Variants in ALMS1 observed in about 807,000 individuals in gnomAD.
ALMS1 encodes the protein ALMS1 centrosome and basal body associated protein.
ALMS1 carries 271 observed loss-of-function variants against 352.2 expected under a neutral mutation model. That is an observed-to-expected ratio of 0.77 (90% CI 0.70 to 0.85). The LOEUF is 0.85. Ranked by LOEUF, ALMS1 falls within the 40% of genes least tolerant of loss-of-function variation. The pLI, the probability that ALMS1 is intolerant of heterozygous loss-of-function variation, is 0.00. For missense variants in ALMS1, 5,445 were observed against 4,870.7 expected, an observed-to-expected ratio of 1.12 and a Z score of -3.51; for synonymous variants, 1,865 against 1,761.2, an observed-to-expected ratio of 1.06 and a Z score of -1.48.
At chr2:73,519,107 A>G (rs1016078036) in intron 10 of ALMS1, among the ~76,000 whole-genome samples, 1 of 152,168 alleles carries the variant, frequency 6.6e-6, no homozygotes, top group African/African-American at 2.4e-5. Context: ...TGTCTCCAAG[A>G]TGGAAATAAG....
chr2:73,513,329 C>T (rs1280814736), intron 10 of ALMS1, among the ~76,000 whole-genome samples: 3 of 152,158 alleles, frequency 2.0e-5, no homozygotes, highest in African/African-American at 4.8e-5. Context: ...CACGTAGGTT[C>T]TGACTCCCCA....
intron 9 of ALMS1, chr2:73,469,927 A>G (rs1349727659): frequency 6.6e-6 from 1 of 151,914 alleles, no homozygotes; most frequent in Non-Finnish European, 1.5e-5. Context: ...CAAGTAATGG[A>G]TAACTCCTGT....
chr2:73,435,609 T>G (rs952856748), intron 7 of ALMS1, among the ~76,000 whole-genome samples: 7 of 145,738 alleles, frequency 4.8e-5, no homozygotes, highest in African/African-American at 7.5e-5. Context: ...TAAGTTTTTG[T>G]TTTTTTTTTT....
intron 9 of ALMS1, among the ~76,000 whole-genome samples, chr2:73,480,093 T>G: frequency 6.6e-6 from 1 of 151,964 alleles, no homozygotes; most frequent in African/African-American, 2.4e-5. Flanking sequence ...TTTATTATTA[T>G]ACTTTAAGTT....
rs754255367 is a variant in ALMS1, at chr2:73,424,840, G to A, written c.1175G>A (p.Arg392His). 10 of 1,608,088 alleles carry A rather than the reference G, an allele frequency of 6.2e-6. No individual in the cohort carries two copies. The highest frequency in any genetic ancestry group is 1.7e-4 in the Middle Eastern group (1 of 6,018). The part of the protein sequence containing the change: ...TKRSDHFDAA[R>H]SYGQYWTQED... ...AGAAGTGACCATTTTGATGCTGCTC[G>A]TTCATATGGGCAGTATTGGACACAG... The change falls in exon 5 of 23, where the codon CGT (arginine) becomes CAT (histidine). Residue 392 changes from arginine to histidine, a missense_variant. Coordinates refer to ENST00000613296, the MANE Select transcript of ALMS1 (RefSeq NM_001378454.1).
chr2:73,536,644 C>A (rs1477855034), intron 12 of ALMS1, among the ~76,000 whole-genome samples: 1 of 151,946 alleles, frequency 6.6e-6, no homozygotes, highest in East Asian at 1.9e-4. Flanking sequence ...ATGAGAGGAG[C>A]CAATTAGAGT....
chr2:73,569,302 A>T, intron 15 of ALMS1, among the ~76,000 whole-genome samples: 1 of 151,854 alleles, frequency 6.6e-6, no homozygotes. Context: ...GGCCTGAGCC[A>T]CCGTGCCCAG....
intron 9 of ALMS1, among the ~76,000 whole-genome samples, chr2:73,469,094 C>G (rs917194771): frequency 6.6e-6 from 1 of 151,898 alleles, no homozygotes; most frequent in African/African-American, 2.4e-5. Flanking sequence ...ACTGTCTCTT[C>G]TCCTTCTCTC....
At position 73,558,999 on chromosome 2, in the gene ALMS1, A is replaced by G. The variant is rs1674601435; in HGVS notation, c.10241A>G (p.His3414Arg). 1 of 1,613,998 alleles carries G rather than the reference A, an allele frequency of 6.2e-7. No homozygotes were observed. Among genetic ancestry groups the G allele is most frequent in the Non-Finnish European group, 8.5e-7 (1 of 1,179,924 alleles). Residue 3414 changes from histidine to arginine, a missense_variant, in exon 15 of 23, where the codon CAC (histidine) becomes CGC (arginine). Coordinates refer to ENST00000613296, the MANE Select transcript of ALMS1 (RefSeq NM_001378454.1). ...TCCAGTGCTGCTGCTGCTGCAGAGC[A>G]CTCAGCTCAAGTAGGAGACCCAGAA... is the stretch of plus-strand genomic sequence containing the variant. ...ADSSAAAAAEHSAQVGDPEMK... is the reference protein window; with the variant it reads ...ADSSAAAAAERSAQVGDPEMK...
intron 10 of ALMS1, among the ~76,000 whole-genome samples, chr2:73,497,413 C>G (rs749069792): frequency 1.1e-4 from 16 of 151,958 alleles, no homozygotes; most frequent in Non-Finnish European, 2.1e-4. Flanking sequence ...AGTATGCACA[C>G]CATACCCAAT....
At chr2:73,457,388 G>C (rs1232028386) in intron 9 of ALMS1, 2 of 151,938 alleles carry the variant, frequency 1.3e-5, no homozygotes, top group African/African-American at 4.8e-5. Context: ...TGTGAGTGGC[G>C]CATGACACCA....
At chr2:73,542,777 G>A (rs1286983803) in intron 12 of ALMS1, among the ~76,000 whole-genome samples, 1 of 151,900 alleles carries the variant, frequency 6.6e-6, no homozygotes, top group Non-Finnish European at 1.5e-5. Context: ...GCTTCAAAGA[G>A]AATAAAATAC....
intron 1 of ALMS1, among the ~76,000 whole-genome samples, chr2:73,401,583 A>G (rs1670872350): frequency 6.6e-6 from 1 of 151,258 alleles, no homozygotes; most frequent in Admixed American, 6.6e-5. Flanking sequence ...TTTATTGTAT[A>G]TATTTATACA....
At chr2:73,549,316 T>G (rs1674381869) in intron 12 of ALMS1, among the ~76,000 whole-genome samples, 1 of 152,212 alleles carries the variant, frequency 6.6e-6, no homozygotes, top group Non-Finnish European at 1.5e-5. Flanking sequence ...TTCCATTCAG[T>G]GTTTTGTCTT....
rs368270555 is a variant in ALMS1 at position 73,422,899 on chromosome 2, C to A, written c.689C>A (p.Thr230Asn). ...GCTTCTCCTGATTTGCCTTTGCTGA[C>A]CTGTTTGACACAAGACCAAGAATTT... ...SFASPDLPLL[T>N]CLTQDQEFAP... The change falls in exon 4 of 23, where the codon ACC becomes AAC. Residue 230 changes from threonine (T) to asparagine (N), a missense_variant. Coordinates refer to ENST00000613296, the MANE Select transcript of ALMS1 (RefSeq NM_001378454.1). 1.2e-6 allele frequency: 2 copies of A among 1,613,550 alleles called. No individual in the cohort carries two copies. The highest frequency in any genetic ancestry group is 1.7e-6 in the Non-Finnish European group (2 of 1,179,686).
rs143555644 is a variant in ALMS1, at chr2:73,559,249, C to T, written c.10384+107C>T. ...ATGAGAATATAGCCTCATGATTAAA[C>T]AAAAATTCCTTTTCTTTTTTTAAAA... On this transcript the variant is annotated intron_variant, in intron 15 of 22. Transcript: ENST00000613296. 45 of 1,380,086 alleles carry T rather than the reference C, an allele frequency of 3.3e-5. No homozygotes were observed. The African/African-American group carries it at 6.3e-4, about 19-fold the overall frequency. The allele number at this position is 1,380,086 out of a possible 1,614,324, so 85.5% of individuals were successfully genotyped here.
intron 10 of ALMS1, among the ~76,000 whole-genome samples, chr2:73,501,096 G>T (rs1480391678): frequency 6.6e-6 from 1 of 152,066 alleles, no homozygotes; most frequent in Non-Finnish European, 1.5e-5. Flanking sequence ...GACTAATGAT[G>T]CTGAGCATCT....
chr2:73,520,064 G>A, intron 11 of ALMS1, 48 bp downstream of exon 11: 1 of 1,611,672 alleles, frequency 6.2e-7, no homozygotes, highest in Non-Finnish European at 8.5e-7. Context: ...GCTCTTTTGT[G>A]TAGTTATCTT....
At chr2:73,482,548 T>A (rs952212484) in intron 9 of ALMS1, among the ~76,000 whole-genome samples, 1 of 152,184 alleles carries the variant, frequency 6.6e-6, no homozygotes, top group Non-Finnish European at 1.5e-5. Flanking sequence ...TCTTTTTTTG[T>A]TGTGTCTCTG....
Sources: gnomAD v4.1 joint callset for allele counts (sites outside exome capture counted in the v4.1 genomes callset) on GRCh38, gnomAD v4.1.1 for gene constraint, MANE v1.5 for transcripts, NCBI Gene and HGNC (gene_info 2026-07-23, HGNC 2026-07-21) for gene names.